The following RAB9B variants were observed in gnomAD, a reference collection of about 807,000 sequenced individuals.
The protein encoded by RAB9B is RAB9B, member RAS oncogene family.
RAB9B carries 1 observed loss-of-function variant against 8.9 expected under a neutral mutation model. The ratio of observed to expected loss-of-function variants is 0.11; its 90% CI spans 0.04 to 0.53. The LOEUF is 0.53. Ranked by LOEUF, RAB9B falls within the 20% of genes least tolerant of loss-of-function variation. The pLI is 0.93. For synonymous variants in RAB9B, 63 were observed against 57.0 expected (o/e 1.10, Z -0.47); for missense variants, 82 against 152.9 (o/e 0.54, Z 2.45).
the RAB9B span, chrX:103,785,895 C>T: frequency 2.7e-6 from 2 of 748,563 alleles, no homozygotes; most frequent in Non-Finnish European, 4.1e-6. Flanking sequence ...ATTCCCGAGT[C>T]TTCCCTCTGT....
downstream of RAB9B, among the ~76,000 whole-genome samples, chrX:103,821,126 C>G (rs1425916890): frequency 4.6e-5 from 5 of 109,197 alleles, no homozygotes; most frequent in African/African-American, 1.7e-4. Context: ...AAGATCAGGC[C>G]ACTACACTCT....
downstream of RAB9B, among the ~76,000 whole-genome samples, chrX:103,818,591 G>A (rs1342311240): frequency 9.0e-6 from 1 of 111,351 alleles, no homozygotes; most frequent in African/African-American, 3.3e-5. Context: ...TTAGCAATAT[G>A]GGTAATTGTG....
rs916385204 is a variant in RAB9B, at chrX:103,824,927, T to C, written c.*252A>G. 1.2e-5 allele frequency: 3 copies of C among 244,005 alleles called. No individual in the cohort carries two copies. The highest frequency in any genetic ancestry group is 1.4e-5 in the Non-Finnish European group (2 of 139,362). The allele number at this position is 244,005 out of a possible 1,213,427, so 20.1% of individuals were successfully genotyped here. ...GTCTCAGGACTAAAATTTTCTGATA[T>C]GTCCTGAGACACACAAGAAGGGGAA... On this transcript the variant is annotated 3_prime_UTR_variant, in exon 3 of 3. Coordinates refer to ENST00000243298, the MANE Select transcript of RAB9B (RefSeq NM_016370.4).
At chrX:103,786,334 GT>G in the RAB9B span, 4 of 1,032,643 alleles carry the variant, frequency 3.9e-6, no homozygotes, top group Non-Finnish European at 5.4e-6. Context: ...GAGGAACCTG[GT>G]GATTCCTCTA....
At chrX:103,791,960 C>G in the RAB9B span, 1 of 111,727 alleles carries the variant, frequency 9.0e-6, no homozygotes, top group Admixed American at 9.5e-5. Context: ...TTAGGTTTAA[C>G]ATAAAGGTTA....
the RAB9B span, among the ~76,000 whole-genome samples, chrX:103,813,427 G>A: frequency 3.8e-5 from 4 of 105,831 alleles, no homozygotes; most frequent in East Asian, 3.0e-4. Context: ...GCAATCTGTC[G>A]CCAATGATAT....
downstream of RAB9B, among the ~76,000 whole-genome samples, chrX:103,818,137 A>G (rs757944324): frequency 8.9e-6 from 1 of 111,842 alleles, no homozygotes; most frequent in East Asian, 2.8e-4. Context: ...AATAAGAAAC[A>G]AAAATGAATG....
At chrX:103,819,232 A>G (rs2074650744), downstream of RAB9B, among the ~76,000 whole-genome samples, 1 of 111,953 alleles carries the variant, frequency 8.9e-6, no homozygotes, top group South Asian at 3.7e-4. Flanking sequence ...AATTCTTTTT[A>G]TCAATCAGTT....
chrX:103,813,695 G>A, the RAB9B span, among the ~76,000 whole-genome samples: 1 of 78,220 alleles, frequency 1.3e-5, no homozygotes, highest in Non-Finnish European at 2.3e-5. Context: ...AAAGGCAAAC[G>A]TAAGCTCAAA....
the RAB9B span, chrX:103,790,958 A>T: frequency 3.9e-6 from 1 of 254,146 alleles, no homozygotes; most frequent in Non-Finnish European, 7.1e-6. Flanking sequence ...TGATGGAAAC[A>T]AAGTGGAAGG....
At chrX:103,809,171 T>C in the RAB9B span, among the ~76,000 whole-genome samples, 1 of 112,052 alleles carries the variant, frequency 8.9e-6, no homozygotes, top group Admixed American at 9.4e-5. Context: ...TCTGTCTCTC[T>C]CGCTCTCTCT....
the RAB9B span, among the ~76,000 whole-genome samples, chrX:103,804,734 C>T: frequency 4.5e-5 from 5 of 111,704 alleles, no homozygotes; most frequent in Non-Finnish European, 7.5e-5. Flanking sequence ...ACAACTCTTG[C>T]ACTTTTTTGT....
At chrX:103,801,942 C>A in the RAB9B span, among the ~76,000 whole-genome samples, 1 of 111,471 alleles carries the variant, frequency 9.0e-6, no homozygotes, top group East Asian at 2.8e-4. Flanking sequence ...AGGGCCAGAA[C>A]AGGCTAATCA....
the RAB9B span, among the ~76,000 whole-genome samples, chrX:103,816,192 T>G: frequency 9.9e-5 from 11 of 111,220 alleles, no homozygotes; most frequent in African/African-American, 2.9e-4. Context: ...ACTACAAGAC[T>G]ACAGTAACCA....
At chrX:103,781,280 C>T in the RAB9B span, 1 of 325,435 alleles carries the variant, frequency 3.1e-6, no homozygotes, top group Non-Finnish European at 6.0e-6. Context: ...TCAGGATCAA[C>T]ACAGTCCCTT....
the RAB9B span, among the ~76,000 whole-genome samples, chrX:103,807,695 G>A: frequency 1.9e-5 from 2 of 106,168 alleles, no homozygotes. Context: ...GAAGCCAAGG[G>A]GAGGAAGAGA....
chrX:103,789,361 C>T, the RAB9B span: 1 of 1,209,221 alleles, frequency 8.3e-7, no homozygotes, highest in Non-Finnish European at 1.1e-6. Context: ...CTGTTTATTG[C>T]TGCATTTGTG....
chrX:103,796,732 GC>G, the RAB9B span, among the ~76,000 whole-genome samples: 1 of 108,058 alleles, frequency 9.3e-6, no homozygotes. Flanking sequence ...TGGCAAAGCT[GC>G]AGAGATTAGC....
the RAB9B span, chrX:103,786,684 G>C: frequency 8.3e-7 from 1 of 1,211,340 alleles, no homozygotes; most frequent in Non-Finnish European, 1.1e-6. Context: ...CTTTGGAGCG[G>C]GTGTGTCATT....
Sources: gnomAD v4.1 joint callset for allele counts (sites outside exome capture counted in the v4.1 genomes callset) on GRCh38, gnomAD v4.1.1 for gene constraint, MANE v1.5 for transcripts, NCBI Gene and HGNC (gene_info 2026-07-23, HGNC 2026-07-21) for gene names.